The following ZNF813 variants were observed in gnomAD, a reference collection of about 807,000 sequenced individuals.
The protein encoded by ZNF813 is zinc finger protein 813.
A neutral mutation model predicts 7.2 loss-of-function variants in ZNF813; 3 were observed. The ratio of observed to expected loss-of-function variants is 0.42; its 90% CI spans 0.19 to 1.08. The LOEUF (loss-of-function observed/expected upper bound fraction) is 1.08. Ranked by LOEUF, ZNF813 falls within the 50% of genes least tolerant of loss-of-function variation. The probability of loss-of-function intolerance (pLI) is 0.30; values close to 1 mark genes in which losing one functional copy is unlikely to be tolerated. For synonymous variants in ZNF813, 227 were observed against 256.3 expected (o/e 0.89, Z 1.09); for missense variants, 714 against 753.3 (o/e 0.95, Z 0.61).
chr19:53,479,280 T>C (rs139179022), intron 1 of ZNF813: 16 of 1,448,280 alleles, frequency 1.1e-5, no homozygotes, highest in African/African-American at 1.4e-5. Flanking sequence ...TACATAATCA[T>C]GGAGAGGAGG....
intron 1 of ZNF813, among the ~76,000 whole-genome samples, chr19:53,469,071 G>A (rs1040041235): frequency 2.0e-5 from 3 of 152,174 alleles, no homozygotes; most frequent in African/African-American, 4.8e-5. Context: ...AATGGAGAAT[G>A]GCGATGACTT....
chr19:53,475,076 C>T (rs1433682919), intron 1 of ZNF813, among the ~76,000 whole-genome samples: 1 of 151,676 alleles, frequency 6.6e-6, no homozygotes, highest in East Asian at 1.9e-4. Flanking sequence ...CCTATACTGC[C>T]TCTAAGAGCT....
At chr19:53,475,356 A>C (rs564742276) in intron 1 of ZNF813, among the ~76,000 whole-genome samples, 1 of 152,388 alleles carries the variant, frequency 6.6e-6, no homozygotes, top group African/African-American at 2.4e-5. Context: ...CTAGCACAGA[A>C]CTACTTCCAC....
At chr19:53,479,763 T>C (rs2147157584) in intron 1 of ZNF813, 2 of 1,290,908 alleles carry the variant, frequency 1.5e-6, no homozygotes, top group East Asian at 4.6e-5. Context: ...GAAAGAGACA[T>C]GGAATGCACA....
chr19:53,482,503 A>G (rs1468233591), intron 1 of ZNF813, among the ~76,000 whole-genome samples: 1 of 151,880 alleles, frequency 6.6e-6, no homozygotes. Context: ...CCAAACATCA[A>G]AACCCTTCCT....
chr19:53,481,291 C>T (rs532929661), intron 1 of ZNF813, among the ~76,000 whole-genome samples: 1 of 151,136 alleles, frequency 6.6e-6, no homozygotes, highest in East Asian at 1.9e-4. Context: ...CTAGCAAGCC[C>T]TGCCTCAGCT....
rs527378806 is a variant in ZNF813 at position 53,473,070 on chromosome 19, A to G, written c.-74+5281A>G. 1.2e-3 allele frequency among the ~76,000 whole-genome samples: 180 copies of G among 152,346 alleles called. 1 individual carries two copies. Among genetic ancestry groups the G allele is most frequent in the African/African-American group, 4.2e-3 (175 of 41,586 alleles). On this transcript the variant is annotated intron_variant, in intron 1 of 3. Coordinates refer to ENST00000396403, the MANE Select transcript of ZNF813 (RefSeq NM_001004301.4). ...TTCTACCATGGTTAAGGAGGGTAGC[A>G]ACAGCAAAACAGTGTACAGCATGTT... is the stretch of plus-strand genomic sequence containing the variant.
At chr19:53,485,751 C>G (rs1300247581) in intron 2 of ZNF813, among the ~76,000 whole-genome samples, 1 of 152,072 alleles carries the variant, frequency 6.6e-6, no homozygotes, top group Non-Finnish European at 1.5e-5. Flanking sequence ...CCGTATTGCC[C>G]AGGCTGGAGC....
Position 53,492,156 on chromosome 19 carries a change from C to T in ZNF813, c.*70C>T. On this transcript the variant is annotated 3_prime_UTR_variant, in exon 4 of 4. Transcript: ENST00000396403. ...ACAAGTGCAATGAGTGTGGCAAGAC[C>T]TTCTGTCACAATTCAGTCCTTGTAA... 1 of 1,546,156 alleles carries T rather than the reference C, an allele frequency of 6.5e-7. No homozygotes were observed. The highest frequency in any genetic ancestry group is 8.8e-7 in the Non-Finnish European group (1 of 1,140,918).
chr19:53,488,578 T>C (rs1468077359), intron 3 of ZNF813, among the ~76,000 whole-genome samples: 1 of 137,078 alleles, frequency 7.3e-6, no homozygotes, highest in Non-Finnish European at 1.6e-5. Context: ...CCGGCTAATT[T>C]TTTGTATTTT....
chr19:53,486,981 G>GTTTTTT (rs67693797), intron 3 of ZNF813, among the ~76,000 whole-genome samples: 2 of 86,062 alleles, frequency 2.3e-5, no homozygotes, highest in African/African-American at 4.1e-5. Context: ...TACTTTTTTA[G>GTTTTTT]TTTTTTTTTT....
chr19:53,475,802 A>G (rs935247099), intron 1 of ZNF813, among the ~76,000 whole-genome samples: 3 of 152,228 alleles, frequency 2.0e-5, no homozygotes, highest in African/African-American at 4.8e-5. Flanking sequence ...CAGAGCCCCT[A>G]TAGTCATTGT....
chr19:53,473,993 C>T (rs528488161), intron 1 of ZNF813, among the ~76,000 whole-genome samples: 7 of 152,128 alleles, frequency 4.6e-5, no homozygotes, highest in African/African-American at 7.2e-5. Context: ...TTGAACTTTC[C>T]GGCCAATAGG....
chr19:53,493,530 CTAAG>C lies in ZNF813; in HGVS notation c.*1447_*1450del, dbSNP rs1171622275. 1 of 150,250 alleles carries C rather than the reference CTAAG, an allele frequency of 6.7e-6. No homozygotes were observed. The highest frequency in any genetic ancestry group is 1.5e-5 in the Non-Finnish European group (1 of 67,680). 9.3% of individuals were successfully genotyped at this position (150,250 alleles called of 1,614,324 possible). A position where few individuals can be genotyped will look rare whatever the true frequency, so the allele number is the denominator to read the frequency against. ...ACTTCTCATCTTTTTGCTTTTATTCCTAAGTATTTCTTACTTTAAGTTCTCTAGC... is the reference window on the plus strand; with the variant it reads ...ACTTCTCATCTTTTTGCTTTTATTCCTATTTCTTACTTTAAGTTCTCTAGC... On this transcript the variant is annotated 3_prime_UTR_variant, in exon 4 of 4. Transcript: ENST00000396403.
intron 1 of ZNF813, among the ~76,000 whole-genome samples, chr19:53,481,281 C>T (rs2086407069): frequency 6.6e-6 from 1 of 151,498 alleles, no homozygotes; most frequent in Non-Finnish European, 1.5e-5. Context: ...TTATGTCAGA[C>T]TAGCAAGCCC....
intron 3 of ZNF813, among the ~76,000 whole-genome samples, chr19:53,487,941 A>G (rs1600114157): frequency 6.6e-6 from 1 of 152,168 alleles, no homozygotes; most frequent in Non-Finnish European, 1.5e-5. Flanking sequence ...TTTCTTTTAA[A>G]TAATAGAAAA....
intron 1 of ZNF813, among the ~76,000 whole-genome samples, chr19:53,471,605 C>T (rs1283007642): frequency 6.6e-6 from 1 of 151,570 alleles, no homozygotes; most frequent in African/African-American, 2.4e-5. Context: ...GTCAGGAGAT[C>T]AAGACCATCC....
chr19:53,469,448 C>T (rs2086345086), intron 1 of ZNF813, among the ~76,000 whole-genome samples: 1 of 152,000 alleles, frequency 6.6e-6, no homozygotes, highest in African/African-American at 2.4e-5. Flanking sequence ...GATCAGGAGA[C>T]ACACGCAGTA....
At chr19:53,472,900 C>T (rs908022169) in intron 1 of ZNF813, among the ~76,000 whole-genome samples, 2 of 152,114 alleles carry the variant, frequency 1.3e-5, no homozygotes, top group African/African-American at 4.8e-5. Context: ...GCATGAGTGA[C>T]CACACCTGGC....
Sources: allele counts gnomAD v4.1 joint callset (sites outside exome capture counted in the v4.1 genomes callset), GRCh38; gene constraint gnomAD v4.1.1; transcripts MANE v1.5; gene names NCBI Gene and HGNC (gene_info 2026-07-23, HGNC 2026-07-21).